Variants in SLC39A9 observed in about 807,000 individuals in gnomAD.
SLC39A9 encodes the protein solute carrier family 39 member 9.
SLC39A9 carries 14 observed loss-of-function variants against 28.4 expected under a neutral mutation model. The observed-to-expected ratio is 0.49, with a 90% CI of 0.33 to 0.77. SLC39A9 has a LOEUF of 0.77. SLC39A9 is among the 30% of genes least tolerant of loss of function. The probability of loss-of-function intolerance (pLI) is 0.02; values close to 1 mark genes in which losing one functional copy is unlikely to be tolerated. For synonymous variants in SLC39A9, 119 were observed against 149.6 expected (o/e 0.80, Z 1.49); for missense variants, 283 against 381.1 (o/e 0.74, Z 2.14).
At position 69,458,422 on chromosome 14, in the gene SLC39A9, C is replaced by G. The variant is rs747207715; in HGVS notation, c.753C>G (p.Ala251=). The G allele has an allele frequency of 6.2e-7, 1 of 1,614,208 alleles. No homozygotes were observed. The highest frequency in any genetic ancestry group is 1.1e-5 in the South Asian group (1 of 91,084). ...CGGGAGTGGCCATGCTTTTCTCTGC[C>G]GGGACATTTCTTTATGTTGCCACAG... ...NATGVAMLFS[A]GTFLYVATVH... The change falls in exon 7 of 7, where the codon GCC becomes GCG. Residue 251 remains alanine (A), a synonymous_variant. Coordinates refer to ENST00000336643, the MANE Select transcript of SLC39A9 (RefSeq NM_018375.5).
rs369174175 is a variant in SLC39A9, at chr14:69,398,824, C to T, written c.-546C>T. ...CTTTGTGTCAACTTTGCTGCTGAAC[C>T]CCTAGGACCCATCGTTAGAGACCTG... On this transcript the variant is annotated 5_prime_UTR_variant, in exon 1 of 7. Transcript: ENST00000336643. 20 of 203,626 alleles carry T rather than the reference C, an allele frequency of 9.8e-5. No homozygotes were observed. In the East Asian group the frequency reaches 2.0e-3, roughly 21 times the overall value. The allele number at this position is 203,626 out of a possible 1,614,324, so 12.6% of individuals were successfully genotyped here. A position where few individuals can be genotyped will look rare whatever the true frequency, so the allele number is the denominator to read the frequency against.
intron 1 of SLC39A9, among the ~76,000 whole-genome samples, chr14:69,400,801 G>C (rs1488976528): frequency 6.6e-6 from 1 of 151,948 alleles, no homozygotes; most frequent in Non-Finnish European, 1.5e-5. Context: ...TTTTTAATCT[G>C]TACCCCTCAG....
chr14:69,399,118 A>G lies in SLC39A9; in HGVS notation c.-252A>G. The G allele has an allele frequency of 4.3e-6, 2 of 460,324 alleles. No homozygotes were observed. Among genetic ancestry groups the G allele is most frequent in the Non-Finnish European group, 7.6e-6 (2 of 262,040 alleles). 28.5% of individuals were successfully genotyped at this position (460,324 alleles called of 1,614,324 possible). On this transcript the variant is annotated 5_prime_UTR_variant, in exon 1 of 7. Coordinates refer to ENST00000336643, the MANE Select transcript of SLC39A9 (RefSeq NM_018375.5). ...AACCCACGAGAATCTAATGACTGGC[A>G]TCTGAGAACCCAGAGCCTGGGACCT...
In SLC39A9 at chr14:69,446,943, T is replaced by TAGAG. The variant is rs35109256; in HGVS notation, c.403+4678_403+4679insGAGA. ...AGCCCATCTGTGATATATATATATA[T>TAGAG]ATATAGAGAGAGAGAGAGAGAGAGC... On this transcript the variant is annotated intron_variant, in intron 3 of 6. Coordinates refer to ENST00000336643, the MANE Select transcript of SLC39A9 (RefSeq NM_018375.5). 1.5e-4 allele frequency among the ~76,000 whole-genome samples: 20 copies of TAGAG among 131,508 alleles called. 1 individual carries two copies. In the South Asian group the frequency reaches 2.2e-3, roughly 14 times the overall value. 86.3% of individuals were successfully genotyped at this position (131,508 alleles called of 152,430 possible). A position where few individuals can be genotyped will look rare whatever the true frequency, so the allele number is the denominator to read the frequency against.
intron 1 of SLC39A9, among the ~76,000 whole-genome samples, chr14:69,414,050 C>CTTTTTTT (rs1186216595): frequency 2.0e-4 from 27 of 132,192 alleles, no homozygotes; most frequent in African/African-American, 7.6e-4. Flanking sequence ...ATTTCATATT[C>CTTTTTTT]TTTTTTTTTT....
intron 3 of SLC39A9, among the ~76,000 whole-genome samples, chr14:69,452,967 G>A (rs928046978): frequency 1.3e-5 from 2 of 152,150 alleles, no homozygotes; most frequent in Admixed American, 1.3e-4. Flanking sequence ...TTAAGGTAGG[G>A]CTGAGTCAAA....
chr14:69,446,853 A>G (rs1366228766), intron 3 of SLC39A9, among the ~76,000 whole-genome samples: 3 of 148,492 alleles, frequency 2.0e-5, no homozygotes, highest in Middle Eastern at 3.2e-3. Context: ...AGCCTGGGAG[A>G]CAAGAACTAA....
At chr14:69,440,819 A>G (rs1025042901) in intron 2 of SLC39A9, among the ~76,000 whole-genome samples, 1 of 151,996 alleles carries the variant, frequency 6.6e-6, no homozygotes, top group Non-Finnish European at 1.5e-5. Context: ...GATTACAGGC[A>G]CGCGCCACCG....
intron 1 of SLC39A9, among the ~76,000 whole-genome samples, chr14:69,417,047 A>G (rs1331213632): frequency 1.3e-5 from 2 of 152,204 alleles, no homozygotes; most frequent in African/African-American, 4.8e-5. Context: ...GTCCTTGCCC[A>G]TGCCTATGTT....
chr14:69,458,269 G>A (rs2139461069), intron 6 of SLC39A9, 94 bp from the exon 7 acceptor site: 1 of 1,514,338 alleles, frequency 6.6e-7, no homozygotes, highest in Non-Finnish European at 8.9e-7. Flanking sequence ...GACAGCACCA[G>A]TTAAGAACAG....
chr14:69,437,814 C>T (rs1242908168), intron 2 of SLC39A9, among the ~76,000 whole-genome samples: 1 of 151,796 alleles, frequency 6.6e-6, no homozygotes, highest in Non-Finnish European at 1.5e-5. Flanking sequence ...TCTTGAACTC[C>T]TGACCTCGTG....
upstream of SLC39A9, chr14:69,398,659 G>A: frequency 3.8e-6 from 1 of 260,206 alleles, no homozygotes; most frequent in Non-Finnish European, 7.6e-6. Context: ...TGTAAAGGAG[G>A]GGGTGGTTAG....
intron 2 of SLC39A9, among the ~76,000 whole-genome samples, chr14:69,432,932 A>G (rs370941789): frequency 3.3e-5 from 5 of 152,126 alleles, no homozygotes; most frequent in African/African-American, 9.7e-5. Context: ...TTTGGTTACT[A>G]TAGTCTTATA....
At chr14:69,418,916 A>T (rs1268261012) in intron 1 of SLC39A9, among the ~76,000 whole-genome samples, 2 of 152,118 alleles carry the variant, frequency 1.3e-5, no homozygotes, top group Admixed American at 1.3e-4. Context: ...TAGTCTTGCT[A>T]GCGGTCTATC....
intron 2 of SLC39A9, among the ~76,000 whole-genome samples, chr14:69,425,690 C>T (rs1437685598): frequency 6.6e-6 from 1 of 151,712 alleles, no homozygotes; most frequent in Non-Finnish European, 1.5e-5. Context: ...TGTTTTGAGA[C>T]ATGGTCTCAC....
intron 1 of SLC39A9, among the ~76,000 whole-genome samples, chr14:69,420,889 GCGTCTAAT>G (rs1456284720): frequency 6.6e-6 from 1 of 152,178 alleles, no homozygotes; most frequent in African/African-American, 2.4e-5. Flanking sequence ...CGTTAGCCAT[GCGTCTAAT>G]CTTTTTTCAA....
chr14:69,404,127 G>A (rs369611218), intron 1 of SLC39A9, among the ~76,000 whole-genome samples: 1 of 152,312 alleles, frequency 6.6e-6, no homozygotes, highest in East Asian at 1.9e-4. Context: ...TCCAAATGCT[G>A]ATGTGGGAGG....
Position 69,424,222 on chromosome 14 carries a change from T to A in SLC39A9, c.205+20T>A. On this transcript the variant is annotated intron_variant, in intron 2 of 6. Coordinates refer to ENST00000336643, the MANE Select transcript of SLC39A9 (RefSeq NM_018375.5). ...TTGAGGGTGAGAAAGGGAAGAGCAT[T>A]ATTTGAGATATGTTATTGACTTGGA... 1 of 1,549,492 alleles carries A rather than the reference T, an allele frequency of 6.5e-7. No homozygotes were observed. Among genetic ancestry groups the A allele is most frequent in the Non-Finnish European group, 8.9e-7 (1 of 1,121,962 alleles).
intron 1 of SLC39A9, among the ~76,000 whole-genome samples, chr14:69,421,857 G>C (rs1003576042): frequency 2.6e-5 from 4 of 152,146 alleles, no homozygotes; most frequent in African/African-American, 9.7e-5. Flanking sequence ...AAGACTGTTG[G>C]AAAAGCGCAG....
Sources: allele counts gnomAD v4.1 joint callset (sites outside exome capture counted in the v4.1 genomes callset), GRCh38; gene constraint gnomAD v4.1.1; transcripts MANE v1.5; gene names NCBI Gene and HGNC (gene_info 2026-07-23, HGNC 2026-07-21).